KIF20B: variants seen among roughly 807,000 people sequenced by gnomAD.
The protein encoded by KIF20B is kinesin family member 20B, also known as kinesin-like protein KIF20B.
Under a neutral mutation model 232.5 loss-of-function variants are expected in KIF20B, and 188 were observed. The ratio of observed to expected loss-of-function variants is 0.81; its 90% CI spans 0.72 to 0.91. The LOEUF (loss-of-function observed/expected upper bound fraction) is 0.91. KIF20B is among the 40% of genes least tolerant of loss of function. The pLI, the probability that KIF20B is intolerant of heterozygous loss-of-function variation, is 0.00. For missense variants in KIF20B, 2,154 were observed against 2,055.9 expected (o/e 1.05, Z -0.92); for synonymous variants, 712 against 683.0 (o/e 1.04, Z -0.66).
intron 19 of KIF20B, among the ~76,000 whole-genome samples, chr10:89,736,186 A>C (rs960094159): frequency 1.3e-5 from 2 of 152,190 alleles, no homozygotes; most frequent in African/African-American, 4.8e-5. Context: ...AACAGGAAAA[A>C]ATTTCTAAAA....
At chr10:89,765,162 C>T (rs1842328775) in intron 29 of KIF20B, among the ~76,000 whole-genome samples, 1 of 152,008 alleles carries the variant, frequency 6.6e-6, no homozygotes, top group Admixed American at 6.6e-5. Context: ...GAATCCTTTC[C>T]CCATTGCTTT....
intron 1 of KIF20B, among the ~76,000 whole-genome samples, chr10:89,704,441 T>C (rs1842680126): frequency 6.6e-6 from 1 of 152,238 alleles, no homozygotes; most frequent in African/African-American, 2.4e-5. Context: ...GATGCATTAT[T>C]CCTATTTAAC....
At chr10:89,710,935 G>A (rs758564137) in intron 5 of KIF20B, 26 bp from the exon 6 acceptor site, 2 of 1,585,222 alleles carry the variant, frequency 1.3e-6, no homozygotes, top group African/African-American at 2.7e-5. Flanking sequence ...GACTGAGAGA[G>A]TATAACACAA....
Position 89,726,443 on chromosome 10 carries a change from A to C in KIF20B, c.2152A>C (p.Asn718His), listed in dbSNP as rs1843188721. 1 of 1,606,176 alleles carries C rather than the reference A, an allele frequency of 6.2e-7. No homozygotes were observed. The highest frequency in any genetic ancestry group is 8.5e-7 in the Non-Finnish European group (1 of 1,175,490). The change falls in exon 16 of 33, where the codon AAT (asparagine) becomes CAT (histidine). Residue 718 changes from asparagine to histidine, a missense_variant. Coordinates refer to ENST00000371728, the MANE Select transcript of KIF20B (RefSeq NM_001284259.2). Reference protein sequence around the residue: ...EATACLELKFNQIKAELAKTK... With the variant: ...EATACLELKFHQIKAELAKTK... The stretch of plus-strand genomic sequence containing the variant: ...TACTGCTTGTTTAGAACTAAAGTTT[A>C]ATCAAATTAAAGCTGAATTAGCTAA...
chr10:89,729,242 T>G lies in KIF20B; in HGVS notation c.2386T>G (p.Cys796Gly). ...GTCTCATATGGAAAACACATTTAAA[T>G]GCAATGTAAGAATTTAACCTTGTGT... The part of the protein sequence containing the change: ...LKSHMENTFK[C>G]NDKADTSSLI... The change falls in exon 18 of 33, where the codon TGC becomes GGC. Residue 796 changes from cysteine (C) to glycine (G), a missense_variant. By Grantham distance (159) the Cys-to-Gly change is radical. Transcript: ENST00000371728. 2 of 1,486,892 alleles carry G rather than the reference T, an allele frequency of 1.3e-6. No homozygotes were observed. The highest frequency in any genetic ancestry group is 2.6e-5 in the South Asian group (2 of 78,068). 92.1% of individuals were successfully genotyped at this position (1,486,892 alleles called of 1,614,324 possible). A position where few individuals can be genotyped will look rare whatever the true frequency, so the allele number is the denominator to read the frequency against.
chr10:89,754,165 A>G (rs1842075860), intron 25 of KIF20B, among the ~76,000 whole-genome samples: 1 of 151,344 alleles, frequency 6.6e-6, no homozygotes. Flanking sequence ...ATCCAGTTAG[A>G]AATGACCACC....
In KIF20B at chr10:89,709,432, C is replaced by T. The variant is rs1842792863; in HGVS notation, c.322C>T (p.Gln108Ter). The T allele has an allele frequency of 6.2e-7, 1 of 1,612,150 alleles. No individual in the cohort carries two copies. The stretch of plus-strand genomic sequence containing the variant: ...TCGGTTAAGTGAAAAAAGCTCAGGG[C>T]AGATGGCACAGAAATTCAGTTTTTC... Reference protein sequence around the residue: ...LGRLSEKSSGQMAQKFSFSKV... With the variant: ...LGRLSEKSSG Residue 108 changes from glutamine to a stop codon, truncating the protein, a stop_gained, in exon 4 of 33, where the codon CAG becomes TAG. Coordinates refer to ENST00000371728, the MANE Select transcript of KIF20B (RefSeq NM_001284259.2). LOFTEE classifies it high-confidence loss of function.
chr10:89,754,227 T>TTC lies in KIF20B; in HGVS notation c.4348-290_4348-289insCT, dbSNP rs562221801. Among the ~76,000 whole-genome samples, 28 of 152,048 alleles carry TTC rather than the reference T, an allele frequency of 1.8e-4. No individual in the cohort carries two copies. The South Asian group carries it at 5.0e-3, about 27-fold the overall frequency. On this transcript the variant is annotated intron_variant, in intron 25 of 32. Transcript: ENST00000371728. ...GGCATTTAGGAAGATTTGAGTCAGT[T>TTC]TAACTGTTTCAGAAATTTGAATTAT... is the stretch of plus-strand genomic sequence containing the variant.
intron 23 of KIF20B, among the ~76,000 whole-genome samples, chr10:89,750,504 G>A (rs1841999967): frequency 6.6e-6 from 1 of 152,042 alleles, no homozygotes; most frequent in East Asian, 1.9e-4. Context: ...TGTTTTATGT[G>A]CACTTTGAGG....
chr10:89,725,189 AG>A, intron 15 of KIF20B, 31 bp downstream of exon 15: 1 of 1,608,386 alleles, frequency 6.2e-7, no homozygotes, highest in Non-Finnish European at 8.5e-7. Flanking sequence ...AAAAATATCC[AG>A]TGAGGTTTTG....
chr10:89,744,572 T>C (rs1313243017), intron 22 of KIF20B, among the ~76,000 whole-genome samples: 1 of 152,046 alleles, frequency 6.6e-6, no homozygotes, highest in African/African-American at 2.4e-5. Context: ...TATTTTGAAA[T>C]AAAATGCAAA....
chr10:89,745,381 G>A lies in KIF20B; in HGVS notation c.4036-518G>A, dbSNP rs142403670. The stretch of plus-strand genomic sequence containing the variant: ...CTACTAAAAATACAAAAATTAGCCA[G>A]GCGTGGTGGCACACGCCTATAATCC... On this transcript the variant is annotated intron_variant, in intron 22 of 32. Transcript: ENST00000371728. 4.8e-3 allele frequency among the ~76,000 whole-genome samples: 728 copies of A among 152,150 alleles called. 6 individuals carry two copies. The highest frequency in any genetic ancestry group is 0.016 in the African/African-American group (673 of 41,554).
At chr10:89,755,986 T>C (rs893283613) in intron 26 of KIF20B, among the ~76,000 whole-genome samples, 2 of 152,198 alleles carry the variant, frequency 1.3e-5, no homozygotes, top group Non-Finnish European at 2.9e-5. Context: ...ACATTGAATA[T>C]TGAACAGAGT....
At chr10:89,742,681 A>G (rs538258834) in intron 21 of KIF20B, among the ~76,000 whole-genome samples, 1 of 151,358 alleles carries the variant, frequency 6.6e-6, no homozygotes, top group African/African-American at 2.4e-5. Flanking sequence ...AGCTACTATA[A>G]TAAGGGCATC....
chr10:89,730,132 A>G (rs1352642637), intron 18 of KIF20B, among the ~76,000 whole-genome samples: 1 of 152,212 alleles, frequency 6.6e-6, no homozygotes, highest in African/African-American at 2.4e-5. Flanking sequence ...AATGAGGAGC[A>G]TTCTAGAAGA....
intron 25 of KIF20B, among the ~76,000 whole-genome samples, chr10:89,753,785 T>G (rs1010540884): frequency 6.6e-6 from 1 of 152,040 alleles, no homozygotes; most frequent in African/African-American, 2.4e-5. Context: ...CTCGCCCAGC[T>G]AATTTTTTTG....
chr10:89,769,685 A>G (rs1589887623), intron 31 of KIF20B, among the ~76,000 whole-genome samples: 1 of 106,440 alleles, frequency 9.4e-6, no homozygotes, highest in African/African-American at 2.6e-5. Flanking sequence ...ATATATACAC[A>G]TGTGTGCACA....
Position 89,757,186 on chromosome 10 carries a change from G to A in KIF20B, c.4504-1520G>A, listed in dbSNP as rs374518054. The stretch of plus-strand genomic sequence containing the variant: ...TACCCCAACTAGTGTTGCAGTAGCT[G>A]TATAGTCCCACCAAGGTATGGTATT... On this transcript the variant is annotated intron_variant, in intron 26 of 32. Coordinates refer to ENST00000371728, the MANE Select transcript of KIF20B (RefSeq NM_001284259.2). 1.8e-4 allele frequency among the ~76,000 whole-genome samples: 27 copies of A among 151,706 alleles called. No individual in the cohort carries two copies. In the South Asian group the frequency reaches 4.6e-3, roughly 26 times the overall value.
At chr10:89,749,583 A>G (rs1841984723) in intron 23 of KIF20B, among the ~76,000 whole-genome samples, 1 of 152,112 alleles carries the variant, frequency 6.6e-6, no homozygotes, top group East Asian at 1.9e-4. Flanking sequence ...CCATCCCTCC[A>G]GCTCCTATCA....
Sources: gnomAD v4.1 joint callset for allele counts (sites outside exome capture counted in the v4.1 genomes callset) on GRCh38, gnomAD v4.1.1 for gene constraint, MANE v1.5 for transcripts, NCBI Gene and HGNC (gene_info 2026-07-23, HGNC 2026-07-21) for gene names.